ZNF555: variants seen among roughly 807,000 people sequenced by gnomAD.
ZNF555 encodes the protein zinc finger protein 555.
Under a neutral mutation model 14.0 loss-of-function variants are expected in ZNF555, and 10 were observed. The observed-to-expected ratio is 0.72, with a 90% CI of 0.44 to 1.21. The LOEUF is 1.21. Ranked by LOEUF, ZNF555 falls within the 50% of genes most tolerant of loss-of-function variation. The probability of loss-of-function intolerance (pLI) is 0.00; values close to 1 mark genes in which losing one functional copy is unlikely to be tolerated. For synonymous variants in ZNF555, 277 were observed against 262.4 expected (o/e 1.06, Z -0.54); for missense variants, 747 against 762.0 (o/e 0.98, Z 0.23).
intron 1 of ZNF555, among the ~76,000 whole-genome samples, chr19:2,843,217 G>T (rs1391768252): frequency 4.6e-5 from 7 of 152,164 alleles, no homozygotes. Flanking sequence ...ATGCTGGAGT[G>T]CACTGGTGCG....
chr19:2,843,633 G>C (rs2087557245), intron 1 of ZNF555, among the ~76,000 whole-genome samples: 1 of 152,138 alleles, frequency 6.6e-6, no homozygotes, highest in African/African-American at 2.4e-5. Context: ...GAGAATTTTT[G>C]ACGGTGGATG....
At chr19:2,843,012 C>T (rs2144841470) in intron 1 of ZNF555, among the ~76,000 whole-genome samples, 1 of 150,798 alleles carries the variant, frequency 6.6e-6, no homozygotes, top group Admixed American at 6.6e-5. Context: ...CATTGCACTC[C>T]AGCCTGGGTG....
rs372385657 is a variant in ZNF555, at chr19:2,852,398, G to C, written c.333G>C (p.Glu111Asp). Residue 111 changes from glutamate (E) to aspartate (D), a missense_variant, in exon 4 of 4, where the codon GAG becomes GAC. Glu to Asp is a conservative substitution (Grantham distance 45). Transcript: ENST00000334241. Reference protein sequence around the residue: ...GRNLSRNHGLERLCESNDQCG... With the variant: ...GRNLSRNHGLDRLCESNDQCG... The stretch of plus-strand genomic sequence containing the variant: ...TTTTTAGTAGAAATCATGGGTTGGA[G>C]AGACTCTGTGAAAGTAATGATCAAT... 19 of 1,613,986 alleles carry C rather than the reference G, an allele frequency of 1.2e-5. No individual in the cohort carries two copies. The highest frequency in any genetic ancestry group is 2.7e-5 in the African/African-American group (2 of 74,908).
At position 2,853,153 on chromosome 19, in the gene ZNF555, C is replaced by T. The variant is rs755106847; in HGVS notation, c.1088C>T (p.Thr363Ile). The T allele has an allele frequency of 8.7e-6, 14 of 1,614,034 alleles. No individual in the cohort carries two copies. The highest frequency in any genetic ancestry group is 1.2e-5 in the Non-Finnish European group (14 of 1,180,012). Residue 363 changes from threonine (T) to isoleucine (I), a missense_variant, in exon 4 of 4, where the codon ACT becomes ATT. Transcript: ENST00000334241. ...QSFRRHERIH[T>I]GEKPYECKQC... Reference sequence around the variant, plus strand: ...TTTCGAAGACATGAAAGGATTCACACTGGAGAGAAACCCTACGAATGCAAA... The same window carrying T: ...TTTCGAAGACATGAAAGGATTCACATTGGAGAGAAACCCTACGAATGCAAA...
intron 1 of ZNF555, among the ~76,000 whole-genome samples, chr19:2,848,353 C>T (rs1362105056): frequency 1.3e-5 from 2 of 151,566 alleles, no homozygotes; most frequent in East Asian, 1.9e-4. Flanking sequence ...GGGGTTTCAC[C>T]GTGTTAGCCA....
intron 2 of ZNF555, 63 bp from the exon 3 acceptor site, chr19:2,851,405 C>A (rs1599565074): frequency 7.2e-7 from 1 of 1,391,666 alleles, no homozygotes; most frequent in African/African-American, 1.5e-5. Flanking sequence ...TAGCTAAACT[C>A]CTCAGTGTCG....
chr19:2,852,293 C>A, intron 3 of ZNF555, 87 bp from the exon 4 acceptor site: 1 of 1,528,386 alleles, frequency 6.5e-7, no homozygotes, highest in Non-Finnish European at 8.9e-7. Flanking sequence ...TATGCTTTCA[C>A]TGAAAATGGT....
chr19:2,842,011 C>A (rs753922301), intron 1 of ZNF555, among the ~76,000 whole-genome samples: 1 of 151,964 alleles, frequency 6.6e-6, no homozygotes, highest in East Asian at 1.9e-4. Flanking sequence ...GCCCTGGGGC[C>A]GACGCCGCGG....
intron 1 of ZNF555, among the ~76,000 whole-genome samples, chr19:2,848,950 G>A (rs7250338): frequency 0.39 from 58,666 of 151,990 alleles, 11,997 homozygotes; most frequent in East Asian, 0.67. Context: ...CCAGAAAGCC[G>A]TTCTAAGGAT....
chr19:2,850,514 A>G lies in ZNF555; in HGVS notation c.4-73A>G, dbSNP rs2087619509. On this transcript the variant is annotated intron_variant, in intron 1 of 3. Coordinates refer to ENST00000334241, the MANE Select transcript of ZNF555 (RefSeq NM_152791.5). ...AATCACAGAATCTTGTTTGAACTAC[A>G]TACGAATTGAGTACAATGCTCCTGG... 7 of 1,570,938 alleles carry G rather than the reference A, an allele frequency of 4.5e-6. No homozygotes were observed. In the Admixed American group the frequency reaches 7.1e-5, roughly 16 times the overall value.
At chr19:2,850,404 TAA>T (rs1020325539) in intron 1 of ZNF555, among the ~76,000 whole-genome samples, 181 bp from the exon 2 acceptor site, 1 of 152,240 alleles carries the variant, frequency 6.6e-6, no homozygotes, top group African/African-American at 2.4e-5. Context: ...TTCAGTGTGT[TAA>T]TGGTCCTGTG....
chr19:2,841,716 GTCCCGCCC>G, intron 1 of ZNF555, 141 bp downstream of exon 1: 1 of 1,020,904 alleles, frequency 9.8e-7, no homozygotes, highest in African/African-American at 1.7e-5. Context: ...GGCCCCGGGG[GTCCCGCCC>G]GGCCCCGCCT....
Position 2,853,632 on chromosome 19 carries a change from T to C in ZNF555, c.1567T>C (p.Leu523=), listed in dbSNP as rs1324035751. 1 of 1,603,850 alleles carries C rather than the reference T, an allele frequency of 6.2e-7. No individual in the cohort carries two copies. The highest frequency in any genetic ancestry group is 8.5e-7 in the Non-Finnish European group (1 of 1,175,056). ...GAAAGCTTTCAGTTGGCCTGAACTT[T>C]TGCAACAACATGTGAGAACGCACAC... The part of the protein sequence containing the change: ...CGKAFSWPEL[L]QQHVRTHTVE... The change falls in exon 4 of 4, where the codon TTG becomes CTG. Residue 523 remains leucine, a synonymous_variant. Transcript: ENST00000334241.
At chr19:2,841,630 C>T in intron 1 of ZNF555, 55 bp downstream of exon 1, 1 of 1,387,868 alleles carries the variant, frequency 7.2e-7, no homozygotes, top group African/African-American at 1.6e-5. Context: ...CCGGCGACCG[C>T]CCGAGACCGC....
At chr19:2,850,741 C>G in intron 2 of ZNF555, 28 bp downstream of exon 2, 1 of 1,610,504 alleles carries the variant, frequency 6.2e-7, no homozygotes, top group Non-Finnish European at 8.5e-7. Flanking sequence ...CCTTCCTTCA[C>G]GTAGTTATTG....
At chr19:2,851,684 C>G in intron 3 of ZNF555, 33 bp downstream of exon 3, 1 of 1,455,078 alleles carries the variant, frequency 6.9e-7, no homozygotes, top group Non-Finnish European at 9.1e-7. Context: ...CATAGTATTT[C>G]AGGAGAGAAT....
chr19:2,851,687 G>C, intron 3 of ZNF555, 36 bp downstream of exon 3: 1 of 1,449,522 alleles, frequency 6.9e-7, no homozygotes, highest in Non-Finnish European at 9.1e-7. Flanking sequence ...AGTATTTCAG[G>C]AGAGAATCTT....
At chr19:2,842,063 T>G (rs2741994) in intron 1 of ZNF555, among the ~76,000 whole-genome samples, 1 of 151,988 alleles carries the variant, frequency 6.6e-6, no homozygotes, top group Non-Finnish European at 1.5e-5. Flanking sequence ...CCGCCTCCGC[T>G]CGCGCTCCCG....
rs2087710098 is a variant in ZNF555, at chr19:2,859,176, G to A, written c.*5224G>A. 6.6e-6 allele frequency: 1 copy of A among 152,282 alleles called. No homozygotes were observed. Among genetic ancestry groups the A allele is most frequent in the Non-Finnish European group, 1.5e-5 (1 of 68,060 alleles). 9.4% of individuals were successfully genotyped at this position (152,282 alleles called of 1,614,324 possible). A position where few individuals can be genotyped will look rare whatever the true frequency, so the allele number is the denominator to read the frequency against. On this transcript the variant is annotated 3_prime_UTR_variant, in exon 4 of 4. Transcript: ENST00000334241. Reference sequence around the variant, plus strand: ...CTCGCGTCTAAAAGAGCTGTGCTTTGTTGGGGCTATCTGGGAGTTTCCGCC... The same window carrying A: ...CTCGCGTCTAAAAGAGCTGTGCTTTATTGGGGCTATCTGGGAGTTTCCGCC...
Sources: gnomAD v4.1 joint callset for allele counts (sites outside exome capture counted in the v4.1 genomes callset) on GRCh38, gnomAD v4.1.1 for gene constraint, MANE v1.5 for transcripts, NCBI Gene and HGNC (gene_info 2026-07-23, HGNC 2026-07-21) for gene names.